Variants in C4orf50 observed in about 807,000 individuals in gnomAD.
C4orf50 encodes the protein chromosome 4 open reading frame 50, also known as uncharacterized protein C4orf50.
In C4orf50, 80 loss-of-function variants were observed where a neutral mutation model predicts 77.2. The ratio of observed to expected loss-of-function variants is 1.04; its 90% CI spans 0.87 to 1.25. The LOEUF (loss-of-function observed/expected upper bound fraction) is 1.25, where lower values mean the gene tolerates loss of function less well. Among genes scored for constraint, C4orf50 ranks in the 50% most tolerant of loss-of-function variants. The pLI is 0.00. For synonymous variants in C4orf50, 532 were observed against 465.3 expected (o/e 1.14, Z -1.84); for missense variants, 1,257 against 1,152.9 (o/e 1.09, Z -1.31).
intron 7 of C4orf50, among the ~76,000 whole-genome samples, chr4:5,945,937 C>T (rs1176886436): frequency 6.6e-6 from 1 of 152,192 alleles, no homozygotes; most frequent in East Asian, 1.9e-4. Context: ...CGGCCTCTGA[C>T]TTCCAGCTGG....
intron 25 of C4orf50, among the ~76,000 whole-genome samples, chr4:6,004,030 A>G (rs1722026317): frequency 9.6e-6 from 1 of 104,080 alleles, no homozygotes. Flanking sequence ...TGATAATGTG[A>G]TAGTGATGAT....
In C4orf50 at chr4:5,973,521, AG is replaced by A. The variant is rs1720052397; in HGVS notation, c.4104+137del. 5.5e-6 allele frequency: 4 copies of A among 733,254 alleles called. No homozygotes were observed. The East Asian group carries it at 1.0e-4, about 19-fold the overall frequency. The allele number at this position is 733,254 out of a possible 1,614,324, so 45.4% of individuals were successfully genotyped here. On this transcript the variant is annotated intron_variant, in intron 31 of 33. Coordinates refer to ENST00000531445, the Ensembl canonical transcript of C4orf50. ...TGGGCATGGGCACAGAGGAAAAGCC[AG>A]GGGGTGTCTTCTTGGGTAGTGTCCG...
rs532799415 is a variant in C4orf50 at position 5,932,045 on chromosome 4, G to A, written c.*2474+24856C>T. Among the ~76,000 whole-genome samples, 141 of 134,804 alleles carry A rather than the reference G, an allele frequency of 1.0e-3. No homozygotes were observed. The highest frequency in any genetic ancestry group is 1.7e-3 in the Non-Finnish European group (105 of 62,822). The allele number at this position is 134,804 out of a possible 152,430, so 88.4% of individuals were successfully genotyped here. A position where few individuals can be genotyped will look rare whatever the true frequency, so the allele number is the denominator to read the frequency against. ...CCCAAAATGCTAAGCTCTTCCCAACGCCCCCCCGCCCCCCACCCCTGCCAA... is the reference window on the plus strand; with the variant it reads ...CCCAAAATGCTAAGCTCTTCCCAACACCCCCCCGCCCCCCACCCCTGCCAA... On this transcript the variant is annotated intron_variant, in intron 7 of 7. Transcript: ENST00000324058. This position sits in a 1 kb window ranked among gnomAD's most constrained non-coding sequence, Gnocchi z 4.2.
intron 7 of C4orf50, among the ~76,000 whole-genome samples, chr4:5,945,859 T>C (rs1377168343): frequency 1.3e-5 from 2 of 152,182 alleles, no homozygotes; most frequent in Non-Finnish European, 2.9e-5. Flanking sequence ...TTCTGCCCTC[T>C]TGGCCCCAGT....
chr4:5,933,257 T>C (rs1717845972), intron 7 of C4orf50, among the ~76,000 whole-genome samples: 1 of 152,216 alleles, frequency 6.6e-6, no homozygotes, highest in Non-Finnish European at 1.5e-5. Flanking sequence ...ATTAGCTTCA[T>C]GGAACACAAG....
chr4:5,967,984 G>C (rs1719683655), intron 31 of C4orf50, among the ~76,000 whole-genome samples: 1 of 152,220 alleles, frequency 6.6e-6, no homozygotes, highest in Non-Finnish European at 1.5e-5. Context: ...GGTTGAGCAA[G>C]AGCAACTGCT....
intron 7 of C4orf50, among the ~76,000 whole-genome samples, chr4:5,933,377 G>C (rs1003998295): frequency 2.3e-4 from 35 of 152,272 alleles, no homozygotes; most frequent in South Asian, 4.1e-4. Flanking sequence ...TTTGGGATGG[G>C]GATTTTCCTA....
intron 7 of C4orf50, among the ~76,000 whole-genome samples, chr4:5,951,553 G>C (rs190067120): frequency 6.6e-6 from 1 of 152,320 alleles, no homozygotes; most frequent in Non-Finnish European, 1.5e-5. Context: ...ATGTGAAGCT[G>C]AGAAAGGAAG....
At position 5,980,442 on chromosome 4, in the gene C4orf50, TG is replaced by T. The variant is rs1194325145; in HGVS notation, c.3700-105del. On this transcript the variant is annotated intron_variant, in intron 28 of 33. Transcript: ENST00000531445. ...TTCCCCACTCCGTAGTTTTTTTTTTTGTTGTTGTTGTTTTCCTGCTTATATT... is the reference window on the plus strand; with the variant it reads ...TTCCCCACTCCGTAGTTTTTTTTTTTTTGTTGTTGTTTTCCTGCTTATATT... 3.1e-3 allele frequency: 2,746 copies of T among 899,742 alleles called. 35 individuals carry two copies. In the African/African-American group the frequency reaches 0.043, roughly 14 times the overall value. 55.7% of individuals were successfully genotyped at this position (899,742 alleles called of 1,614,324 possible). A position where few individuals can be genotyped will look rare whatever the true frequency, so the allele number is the denominator to read the frequency against.
intron 25 of C4orf50, among the ~76,000 whole-genome samples, chr4:6,004,119 G>A (rs62643958): frequency 2.2e-4 from 8 of 36,862 alleles, no homozygotes; most frequent in South Asian, 9.3e-4. Context: ...GGTGATGATG[G>A]TGATAGTGAT....
At chr4:5,979,694 C>T (rs1487218099) in intron 29 of C4orf50, among the ~76,000 whole-genome samples, 1 of 152,226 alleles carries the variant, frequency 6.6e-6, no homozygotes, top group Non-Finnish European at 1.5e-5. Context: ...TGCCCGGTTT[C>T]CCCCAGTGGG....
chr4:5,992,880 C>G lies in C4orf50; in HGVS notation c.1144G>C (p.Ala382Pro), dbSNP rs1467834038. 5.0e-6 allele frequency: 2 copies of G among 398,988 alleles called. No individual in the cohort carries two copies. The highest frequency in any genetic ancestry group is 4.4e-5 in the Admixed American group (1 of 22,722). 24.7% of individuals were successfully genotyped at this position (398,988 alleles called of 1,614,324 possible). The change falls in exon 27 of 34, where the codon GCC (alanine) becomes CCC (proline). Residue 382 changes from alanine (A) to proline (P), a missense_variant. Physicochemically the swap from Ala to Pro is conservative, Grantham distance 27 (BLOSUM62 -1). Coordinates refer to ENST00000531445, the Ensembl canonical transcript of C4orf50. The surrounding 1 kb of genome is among the most constrained non-coding windows in gnomAD (Gnocchi z 5.0). ...GGGCCTGGAGCCAAAACAGAAGAGG[C>G]CCGTCCAGGCCTGATGCGGCTCCAG...
chr4:5,904,893 A>G (rs373399110), intron 7 of C4orf50: 2 of 152,314 alleles, frequency 1.3e-5, no homozygotes, highest in East Asian at 3.9e-4. Flanking sequence ...AGCTACGCAG[A>G]ATGGTAAATC....
chr4:5,991,766 G>T (rs1289130121), intron 27 of C4orf50, among the ~76,000 whole-genome samples: 4 of 152,156 alleles, frequency 2.6e-5, no homozygotes, highest in Non-Finnish European at 5.9e-5. Flanking sequence ...GAGGGGGTCT[G>T]AGCCTTTGGA....
intron 26 of C4orf50, among the ~76,000 whole-genome samples, chr4:5,993,711 G>A (rs901951270): frequency 2.6e-5 from 4 of 152,084 alleles, no homozygotes; most frequent in Non-Finnish European, 5.9e-5. Flanking sequence ...CAGCTACTTG[G>A]GAGGCTGAGA....
At chr4:5,934,193 T>G (rs1717904974) in intron 7 of C4orf50, among the ~76,000 whole-genome samples, 1 of 152,018 alleles carries the variant, frequency 6.6e-6, no homozygotes, top group Non-Finnish European at 1.5e-5. Context: ...AGTAGACGGC[T>G]GCATGGTAAG....
At chr4:5,925,540 G>A (rs113510599) in intron 7 of C4orf50, among the ~76,000 whole-genome samples, 2,386 of 152,326 alleles carry the variant, frequency 0.016, 64 homozygotes, top group African/African-American at 0.053. Flanking sequence ...GCCTGGCCCC[G>A]GGAAACGCAG....
rs192796988 is a variant in C4orf50, at chr4:5,978,227, T to C, written c.3864+1947A>G. ...CTACACTGCTGGTGAGAACATAAAATGAAGTTATCAGAGACACTCTTCCTC... is the reference window on the plus strand; with the variant it reads ...CTACACTGCTGGTGAGAACATAAAACGAAGTTATCAGAGACACTCTTCCTC... On this transcript the variant is annotated intron_variant, in intron 29 of 33. Coordinates refer to ENST00000531445, the Ensembl canonical transcript of C4orf50. 1.8e-4 allele frequency among the ~76,000 whole-genome samples: 27 copies of C among 152,280 alleles called. No homozygotes were observed. The East Asian group carries it at 5.0e-3, about 28-fold the overall frequency.
intron 31 of C4orf50, among the ~76,000 whole-genome samples, chr4:5,967,962 C>T (rs551453216): frequency 1.8e-3 from 267 of 152,320 alleles, no homozygotes; most frequent in African/African-American, 6.2e-3. Flanking sequence ...GGTTGGCCGA[C>T]GGCCCCCAAG....
Sources: allele counts gnomAD v4.1 joint callset (sites outside exome capture counted in the v4.1 genomes callset), GRCh38; gene constraint gnomAD v4.1.1; non-coding constraint Gnocchi (gnomAD v3.1); transcripts MANE v1.5; gene names NCBI Gene and HGNC (gene_info 2026-07-23, HGNC 2026-07-21).